The following KANK1 variants were observed in gnomAD, a reference collection of about 807,000 sequenced individuals.
KANK1 encodes the protein KN motif and ankyrin repeat domain-containing protein 1.
In KANK1, 109 loss-of-function variants were observed where a neutral mutation model predicts 106.2. The observed-to-expected ratio is 1.03, with a 90% CI of 0.88 to 1.20. KANK1 has a LOEUF of 1.20. Ranked by LOEUF, KANK1 falls within the 50% of genes most tolerant of loss-of-function variation. The pLI is 0.00. For missense variants in KANK1, 2,399 were observed against 1,710.7 expected (o/e 1.40, Z -7.10); for synonymous variants, 873 against 652.2 (o/e 1.34, Z -5.16).
Position 580,807 on chromosome 9 carries a change from G to A in KANK1, c.-84+76053G>A, listed in dbSNP as rs1338506239. On this transcript the variant is annotated intron_variant, in intron 1 of 11. Transcript: ENST00000382297. ...CCTTGGGTAGTCAATGGGATTGGGC[G>A]CCGCGGAGCAGGGGGCGGTGCTCGT... Among the ~76,000 whole-genome samples, 9 of 152,348 alleles carry A rather than the reference G, an allele frequency of 5.9e-5. No individual in the cohort carries two copies. In the East Asian group the frequency reaches 7.7e-4, roughly 13 times the overall value.
At chr9:723,975 C>T (rs1018048794) in intron 3 of KANK1, among the ~76,000 whole-genome samples, 23 of 148,438 alleles carry the variant, frequency 1.5e-4, no homozygotes, top group African/African-American at 4.7e-4. Flanking sequence ...TGGTTTTGTA[C>T]GTCTGTGGTC....
chr9:490,282 G>A (rs2058356359), intron 3 of KANK1, among the ~76,000 whole-genome samples: 1 of 152,174 alleles, frequency 6.6e-6, no homozygotes, highest in East Asian at 1.9e-4. Flanking sequence ...AAGGTGGGAG[G>A]ATTGCTTGAG....
chr9:622,530 A>G (rs998479746), intron 1 of KANK1, among the ~76,000 whole-genome samples: 1 of 152,218 alleles, frequency 6.6e-6, no homozygotes, highest in African/African-American at 2.4e-5. Context: ...ACTGTTGGGA[A>G]AACTGGATAT....
At chr9:576,670 A>T (rs1820641959) in intron 1 of KANK1, among the ~76,000 whole-genome samples, 1 of 152,098 alleles carries the variant, frequency 6.6e-6, no homozygotes, top group South Asian at 2.1e-4. Flanking sequence ...TTTGTGTTGG[A>T]GATACAGAAA....
At chr9:553,175 C>T (rs1298960174) in intron 1 of KANK1, among the ~76,000 whole-genome samples, 1 of 152,024 alleles carries the variant, frequency 6.6e-6, no homozygotes, top group Admixed American at 6.6e-5. Flanking sequence ...AATTTTGTCA[C>T]CTTTATTTAA....
chr9:601,424 C>T (rs905980372), intron 1 of KANK1, among the ~76,000 whole-genome samples: 1 of 151,766 alleles, frequency 6.6e-6, no homozygotes. Context: ...CTTGTCATTC[C>T]CTGTCAGTTA....
chr9:607,484 CAAAAAAA>C (rs760884670), intron 1 of KANK1, among the ~76,000 whole-genome samples: 1 of 61,194 alleles, frequency 1.6e-5, no homozygotes, highest in South Asian at 7.3e-4. Flanking sequence ...GACTCCATCT[CAAAAAAA>C]AAAAAAAAAA....
intron 2 of KANK1, among the ~76,000 whole-genome samples, chr9:699,185 T>A (rs1822046693): frequency 6.6e-6 from 1 of 152,200 alleles, no homozygotes; most frequent in South Asian, 2.1e-4. Flanking sequence ...CCTGCTGTGT[T>A]CCAACATAAC....
chr9:513,153 G>C (rs746466047), intron 1 of KANK1, among the ~76,000 whole-genome samples: 16 of 152,200 alleles, frequency 1.1e-4, no homozygotes, highest in Non-Finnish European at 2.2e-4. Context: ...GGCATAATTT[G>C]ACACTTTTTA....
At chr9:741,086 C>T in intron 9 of KANK1, 152 bp downstream of exon 9, 1 of 774,806 alleles carries the variant, frequency 1.3e-6, no homozygotes, top group Non-Finnish European at 2.0e-6. Context: ...CTGCCTGGCA[C>T]TCCTTGCTGA....
At position 745,818 on chromosome 9, in the gene KANK1, C is replaced by A. The variant is rs930788818; in HGVS notation, c.*583C>A. The A allele has an allele frequency of 2.0e-5, 3 of 152,594 alleles. No individual in the cohort carries two copies. The highest frequency in any genetic ancestry group is 2.9e-5 in the Non-Finnish European group (2 of 68,046). 9.5% of individuals were successfully genotyped at this position (152,594 alleles called of 1,614,324 possible). A position where few individuals can be genotyped will look rare whatever the true frequency, so the allele number is the denominator to read the frequency against. Reference sequence around the variant, plus strand: ...ATATGACTTTTTATAAAAAGGGTATCTATATGAACTTGACACAGTATTTTC... The same window carrying A: ...ATATGACTTTTTATAAAAAGGGTATATATATGAACTTGACACAGTATTTTC... On this transcript the variant is annotated 3_prime_UTR_variant, in exon 12 of 12. Transcript: ENST00000382297.
chr9:615,597 G>C (rs1196559364), intron 1 of KANK1, among the ~76,000 whole-genome samples: 2 of 152,196 alleles, frequency 1.3e-5, no homozygotes, highest in Admixed American at 6.5e-5. Flanking sequence ...CACAGAGTCA[G>C]TCCCATAGTA....
At chr9:744,035 G>T (rs770969627) in intron 10 of KANK1, among the ~76,000 whole-genome samples, 2 of 152,116 alleles carry the variant, frequency 1.3e-5, no homozygotes, top group East Asian at 3.9e-4. Context: ...CTGGGATTGC[G>T]TGCTTACACA....
chr9:736,003 C>G (rs1026908325), intron 7 of KANK1, among the ~76,000 whole-genome samples: 1 of 152,044 alleles, frequency 6.6e-6, no homozygotes, highest in Non-Finnish European at 1.5e-5. Context: ...TGAAAAAAAG[C>G]CTGGAGTGCA....
At chr9:721,749 T>G (rs1008655483) in intron 3 of KANK1, among the ~76,000 whole-genome samples, 1 of 152,218 alleles carries the variant, frequency 6.6e-6, no homozygotes, top group Non-Finnish European at 1.5e-5. Flanking sequence ...TCACTTCTTG[T>G]GGTAGGGCTT....
rs541834481 is a variant in KANK1 at position 741,775 on chromosome 9, C to A, written c.3697-430C>A. 4.4e-3 allele frequency among the ~76,000 whole-genome samples: 670 copies of A among 152,224 alleles called. 2 individuals are homozygous for A. The highest frequency in any genetic ancestry group is 6.8e-3 in the Non-Finnish European group (464 of 68,016). ...GTGCTGGGATTACAGGCGTGAGCTACTGCGCCAGCCCCTGGCTTTTTTTTA... is the reference window on the plus strand; with the variant it reads ...GTGCTGGGATTACAGGCGTGAGCTAATGCGCCAGCCCCTGGCTTTTTTTTA... On this transcript the variant is annotated intron_variant, in intron 9 of 11. Transcript: ENST00000382297.
chr9:498,188 G>A (rs1002774533), intron 3 of KANK1, among the ~76,000 whole-genome samples: 5 of 152,140 alleles, frequency 3.3e-5, no homozygotes, highest in South Asian at 2.1e-4. Context: ...TGAGGCTTGG[G>A]GAGATTCAAC....
At chr9:563,582 ATATG>A in intron 1 of KANK1, among the ~76,000 whole-genome samples, 1 of 152,108 alleles carries the variant, frequency 6.6e-6, no homozygotes, top group East Asian at 1.9e-4. Context: ...GATTTTGTAG[ATATG>A]TATGTGTGTG....
At chr9:663,380 A>G (rs985980398) in intron 1 of KANK1, among the ~76,000 whole-genome samples, 1 of 152,216 alleles carries the variant, frequency 6.6e-6, no homozygotes, top group African/African-American at 2.4e-5. Context: ...GTCAAGGTTT[A>G]GGTGTCTGCC....
Sources: gnomAD v4.1 joint callset for allele counts (sites outside exome capture counted in the v4.1 genomes callset) on GRCh38, gnomAD v4.1.1 for gene constraint, MANE v1.5 for transcripts, NCBI Gene and HGNC (gene_info 2026-07-23, HGNC 2026-07-21) for gene names.